PCDH15: variants seen among roughly 807,000 people sequenced by gnomAD.
The protein encoded by PCDH15 is protocadherin-15.
PCDH15 carries 129 observed loss-of-function variants against 178.5 expected under a neutral mutation model. The ratio of observed to expected loss-of-function variants is 0.72; its 90% CI spans 0.63 to 0.84. PCDH15 has a LOEUF of 0.84. Ranked by LOEUF, PCDH15 falls within the 40% of genes least tolerant of loss-of-function variation. The pLI is 0.00. For synonymous variants in PCDH15, 800 were observed against 732.0 expected (o/e 1.09, Z -1.50); for missense variants, 2,230 against 2,099.9 (o/e 1.06, Z -1.21).
chr10:55,164,986 C>T lies in PCDH15; in HGVS notation c.-80+1590G>A, dbSNP rs74136377. 9.2e-3 allele frequency among the ~76,000 whole-genome samples: 1,398 copies of T among 151,996 alleles called. 25 individuals are homozygous for T. Among genetic ancestry groups the T allele is most frequent in the African/African-American group, 0.032 (1,331 of 41,500 alleles). On this transcript the variant is annotated intron_variant, in intron 2 of 5. Coordinates refer to the PCDH15 transcript ENST00000458638. Reference sequence around the variant, plus strand: ...GTCTATAATTATCTATTTATCTATCCGTCATCTATCCATTTGTGCATATGA... The same window carrying T: ...GTCTATAATTATCTATTTATCTATCTGTCATCTATCCATTTGTGCATATGA...
At chr10:55,424,332 G>A (rs1052109243) in intron 2 of PCDH15, among the ~76,000 whole-genome samples, 1 of 152,008 alleles carries the variant, frequency 6.6e-6, no homozygotes, top group African/African-American at 2.4e-5. Context: ...GACCCTACTT[G>A]GCTTATCTTT....
At chr10:55,192,743 A>C (rs112245825) in intron 1 of PCDH15, among the ~76,000 whole-genome samples, 8,714 of 143,104 alleles carry the variant, frequency 0.061, 324 homozygotes, top group African/African-American at 0.1. Flanking sequence ...CTCTCTCTCT[A>C]TATATATATA....
intron 2 of PCDH15, among the ~76,000 whole-genome samples, chr10:54,635,386 G>A (rs368775001): frequency 1.3e-5 from 2 of 149,258 alleles, no homozygotes; most frequent in Non-Finnish European, 3.0e-5. Context: ...TCTCATATAT[G>A]TATATATATA....
intron 2 of PCDH15, among the ~76,000 whole-genome samples, chr10:55,130,972 A>G (rs542197968): frequency 1.3e-5 from 2 of 152,040 alleles, no homozygotes; most frequent in Non-Finnish European, 2.9e-5. Flanking sequence ...ATTTATATTG[A>G]TTCTATTTCA....
At position 55,274,694 on chromosome 10, in the gene PCDH15, G is replaced by A. The variant is rs535878744; in HGVS notation, c.-156+44905C>T. ...CCAACCTTTTTGACACCAGGAACCT[G>A]TTTCATGGAAGACAAATTTTCCATG... is the stretch of plus-strand genomic sequence containing the variant. On this transcript the variant is annotated intron_variant, in intron 1 of 5. Coordinates refer to the PCDH15 transcript ENST00000458638. Among the ~76,000 whole-genome samples, 7 of 152,218 alleles carry A rather than the reference G, an allele frequency of 4.6e-5. No individual in the cohort carries two copies. In the South Asian group the frequency reaches 1.5e-3, roughly 32 times the overall value.
chr10:55,083,144 A>T (rs1842085172), intron 2 of PCDH15, among the ~76,000 whole-genome samples: 1 of 151,624 alleles, frequency 6.6e-6, no homozygotes, highest in South Asian at 2.1e-4. Context: ...TGATGAAAAA[A>T]TTTGCAAAAA....
intron 13 of PCDH15, among the ~76,000 whole-genome samples, chr10:54,163,318 A>C (rs998014173): frequency 6.6e-6 from 1 of 152,078 alleles, no homozygotes; most frequent in African/African-American, 2.4e-5. Context: ...CCACAGGCTT[A>C]ACAGGAAGCA....
At chr10:54,955,777 T>A (rs752722045) in intron 2 of PCDH15, among the ~76,000 whole-genome samples, 1 of 151,264 alleles carries the variant, frequency 6.6e-6, no homozygotes, top group Non-Finnish European at 1.5e-5. Flanking sequence ...TTACCCATAT[T>A]TGACACTTGT....
chr10:55,455,838 G>A (rs72788809), intron 2 of PCDH15, among the ~76,000 whole-genome samples: 4,940 of 152,146 alleles, frequency 0.032, 127 homozygotes, highest in Middle Eastern at 0.071. Flanking sequence ...ATCAGTAGAG[G>A]ACTTGTTTTA....
chr10:54,898,781 G>T (rs1954589778), intron 2 of PCDH15, among the ~76,000 whole-genome samples: 1 of 152,092 alleles, frequency 6.6e-6, no homozygotes, highest in African/African-American at 2.4e-5. Flanking sequence ...ATAACATGTA[G>T]CATGAAAGAT....
intron 1 of PCDH15, among the ~76,000 whole-genome samples, chr10:55,292,841 T>C (rs1843042711): frequency 6.6e-6 from 1 of 152,176 alleles, no homozygotes; most frequent in South Asian, 2.1e-4. Context: ...TATGGGCTGG[T>C]GTTTAGTGTC....
chr10:55,255,675 G>A (rs962629416), intron 1 of PCDH15, among the ~76,000 whole-genome samples: 2 of 152,214 alleles, frequency 1.3e-5, no homozygotes, highest in Admixed American at 6.5e-5. Context: ...TCTCATTGTG[G>A]TTTTGATTTG....
chr10:55,134,191 A>G (rs929262712), intron 2 of PCDH15, among the ~76,000 whole-genome samples: 6 of 151,858 alleles, frequency 4.0e-5, no homozygotes, highest in African/African-American at 1.5e-4. Flanking sequence ...CTATAGGGGG[A>G]GCCTTGCTAT....
chr10:54,988,600 C>T (rs559463118), intron 2 of PCDH15, among the ~76,000 whole-genome samples: 106 of 152,230 alleles, frequency 7.0e-4, no homozygotes, highest in African/African-American at 2.5e-3. Context: ...CAGCATTTTG[C>T]CCCTGCCCTA....
chr10:54,594,335 T>A (rs2092075954), intron 2 of PCDH15, among the ~76,000 whole-genome samples: 1 of 152,088 alleles, frequency 6.6e-6, no homozygotes, highest in South Asian at 2.1e-4. Context: ...ATAGTAGACA[T>A]TAGCCCTAAG....
At chr10:55,525,504 C>A (rs1373257509) in intron 2 of PCDH15, among the ~76,000 whole-genome samples, 2 of 151,784 alleles carry the variant, frequency 1.3e-5, no homozygotes, top group Non-Finnish European at 2.9e-5. Flanking sequence ...TCATATAAAT[C>A]ATATGTTATC....
intron 3 of PCDH15, among the ~76,000 whole-genome samples, chr10:54,421,892 ACAC>A (rs1565231873): frequency 6.2e-5 from 5 of 80,770 alleles, no homozygotes; most frequent in African/African-American, 1.3e-4. Flanking sequence ...ATACACACAC[ACAC>A]TATATATATA....
chr10:54,772,935 T>C (rs947710278), intron 1 of PCDH15, among the ~76,000 whole-genome samples: 1 of 152,112 alleles, frequency 6.6e-6, no homozygotes, highest in Admixed American at 6.6e-5. Flanking sequence ...CTATGCAGCA[T>C]AAAAAGGAAT....
Position 55,254,507 on chromosome 10 carries a change from C to T in PCDH15, c.-156+65092G>A, listed in dbSNP as rs375530798. Among the ~76,000 whole-genome samples, 335 of 152,200 alleles carry T rather than the reference C, an allele frequency of 2.2e-3. 14 individuals carry two copies. The South Asian group carries it at 0.065, about 30-fold the overall frequency. On this transcript the variant is annotated intron_variant, in intron 1 of 5. Coordinates refer to the PCDH15 transcript ENST00000458638. ...AAGCTGTCAGTGGAAAGGTGAGTAA[C>T]AGACCAAAGCAAAAGAGGATTCAAT...
Sources: allele counts gnomAD v4.1 joint callset (sites outside exome capture counted in the v4.1 genomes callset), GRCh38; gene constraint gnomAD v4.1.1; transcripts MANE v1.5; gene names NCBI Gene and HGNC (gene_info 2026-07-23, HGNC 2026-07-21).